ZNF692: variants seen among roughly 807,000 people sequenced by gnomAD.
ZNF692 encodes AICAR responsive element binding protein.
ZNF692 carries 41 observed loss-of-function variants against 49.0 expected under a neutral mutation model. The observed-to-expected ratio is 0.84, with a 90% CI of 0.65 to 1.08. The LOEUF (loss-of-function observed/expected upper bound fraction) is 1.08. Among genes scored for constraint, ZNF692 ranks in the 50% least tolerant of loss-of-function variants. The pLI, the probability that ZNF692 is intolerant of heterozygous loss-of-function variation, is 0.00. For missense variants in ZNF692, 662 were observed against 662.2 expected (o/e 1.00, Z 0.00); for synonymous variants, 288 against 251.5 (o/e 1.15, Z -1.37).
chr1:248,858,293 G>C lies in ZNF692; in HGVS notation c.17C>G (p.Ala6Gly). 6.4e-7 allele frequency: 1 copy of C among 1,568,916 alleles called. No homozygotes were observed. The highest frequency in any genetic ancestry group is 8.7e-7 in the Non-Finnish European group (1 of 1,153,302). Residue 6 changes from alanine to glycine, a missense_variant, in exon 2 of 12, where the codon GCG becomes GGG. Transcript: ENST00000306601. This position sits in a 1 kb window ranked among gnomAD's most constrained non-coding sequence, Gnocchi z 4.3. ...CCGCCGCCTGCAGGACACGTCCACCGCCGGGGAGGAAGCCATGTGCACCAG... is the reference window on the plus strand; with the variant it reads ...CCGCCGCCTGCAGGACACGTCCACCCCCGGGGAGGAAGCCATGTGCACCAG... MASSPAVDVSCRRREK... is the reference protein window; with the variant it reads MASSPGVDVSCRRREK...
chr1:248,855,454 CT>C lies in ZNF692; in HGVS notation c.963del (p.Ala322LeufsTer6), dbSNP rs759152198. The C allele has an allele frequency of 6.8e-6, 11 of 1,614,088 alleles. No homozygotes were observed. The highest frequency in any genetic ancestry group is 2.7e-5 in the African/African-American group (2 of 74,926). On this transcript the variant is annotated frameshift_variant, in exon 9 of 12. Coordinates refer to ENST00000306601, the MANE Select transcript of ZNF692 (RefSeq NM_017865.4). LOFTEE classifies it high-confidence loss of function. ...CAAGGCATCAGCTCTCTTTTGGCAG[CT>C]TTCCTGAGGAGAAGAATGGAAAGGA... The part of the protein sequence containing the change: ...TAQIGPKRIR[K>X]AAKRELMPCD...
intron 10 of ZNF692, among the ~76,000 whole-genome samples, chr1:248,851,759 A>T (rs1458307681): frequency 2.6e-5 from 4 of 152,148 alleles, no homozygotes; most frequent in Non-Finnish European, 1.5e-5. Flanking sequence ...CCACTTCAGA[A>T]ATTGCTATTT....
At position 248,853,991 on chromosome 1, in the gene ZNF692, C is replaced by A; in HGVS notation, c.1099G>T (p.Gly367Trp). 1 of 1,614,210 alleles carries A rather than the reference C, an allele frequency of 6.2e-7. No homozygotes were observed. The highest frequency in any genetic ancestry group is 8.5e-7 in the Non-Finnish European group (1 of 1,180,038). Reference sequence around the variant, plus strand: ...TGTTTCTTAAAGTTGAAAGACTTCCCACAGGCTGGCTCTGGGCAGGAGAAA... The same window carrying A: ...TGTTTCTTAAAGTTGAAAGACTTCCAACAGGCTGGCTCTGGGCAGGAGAAA... ...KSFSCPEPAC[G>W]KSFNFKKHLK... The change falls in exon 10 of 12, where the codon GGG (glycine) becomes TGG (tryptophan). Residue 367 changes from glycine (G) to tryptophan (W), a missense_variant. Coordinates refer to ENST00000306601, the MANE Select transcript of ZNF692 (RefSeq NM_017865.4).
chr1:248,855,245 G>T, intron 9 of ZNF692, 135 bp downstream of exon 9: 2 of 789,158 alleles, frequency 2.5e-6, no homozygotes, highest in Non-Finnish European at 2.1e-6. Context: ...AGGACCAAAA[G>T]ACTTTATACA....
rs774555950 is a variant in ZNF692, at chr1:248,856,289, C to T, written c.658G>A (p.Asp220Asn). The T allele has an allele frequency of 2.5e-6, 4 of 1,580,028 alleles. No homozygotes were observed. The Admixed American group carries it at 5.3e-5, about 21-fold the overall frequency. The change falls in exon 6 of 12, where the codon GAT (aspartate) becomes AAT (asparagine). Residue 220 changes from aspartate to asparagine, a missense_variant and splice_region_variant. Asp to Asn is a conservative substitution (Grantham distance 23, BLOSUM62 1). Transcript: ENST00000306601. ...SLWTYSSSPD[D>N]SEPDAPRLLP... Reference sequence around the variant, plus strand: ...CATTCTCCCTCAACCCCAACTTGCTCATCTGGGGAGGAGCTGTAGGTCCAT... The same window carrying T: ...CATTCTCCCTCAACCCCAACTTGCTTATCTGGGGAGGAGCTGTAGGTCCAT...
At position 248,855,951 on chromosome 1, in the gene ZNF692, A is replaced by C. The variant is rs1199731521; in HGVS notation, c.660-5T>G. The C allele has an allele frequency of 6.2e-7, 1 of 1,613,186 alleles. No homozygotes were observed. Among genetic ancestry groups the C allele is most frequent in the South Asian group, 1.1e-5 (1 of 90,996 alleles). ...CTGGGGGCATCAGGCTCACTACTGA[A>C]AGGAGAACAAAGAGGAAGATGGCAT... is the stretch of plus-strand genomic sequence containing the variant. On this transcript the variant is annotated splice_polypyrimidine_tract_variant and splice_region_variant and intron_variant, in intron 6 of 11. Coordinates refer to ENST00000306601, the MANE Select transcript of ZNF692 (RefSeq NM_017865.4).
At position 248,858,491 on chromosome 1, in the gene ZNF692, G is replaced by C. The variant is rs1275324843; in HGVS notation, c.-12-170C>G. 2 of 1,551,748 alleles carry C rather than the reference G, an allele frequency of 1.3e-6. No homozygotes were observed. Among genetic ancestry groups the C allele is most frequent in the Middle Eastern group, 3.3e-4 (2 of 5,992 alleles). On this transcript the variant is annotated intron_variant, in intron 1 of 11. Transcript: ENST00000306601. The surrounding 1 kb of genome is among the most constrained non-coding windows in gnomAD (Gnocchi z 4.3). ...CAAACCCCGTCCTTCTATGATACAGGGTGTTGAAGCTCAGCGCTACCATGT... is the reference window on the plus strand; with the variant it reads ...CAAACCCCGTCCTTCTATGATACAGCGTGTTGAAGCTCAGCGCTACCATGT...
At chr1:248,851,452 C>T (rs184723110) in intron 10 of ZNF692, among the ~76,000 whole-genome samples, 15 of 152,238 alleles carry the variant, frequency 9.9e-5, no homozygotes, top group Middle Eastern at 6.8e-3. Flanking sequence ...CCCACCAAAC[C>T]TCAGGGTGTA....
At position 248,858,899 on chromosome 1, in the gene ZNF692, A is replaced by AC. The variant is rs1342646014; in HGVS notation, c.-13+18dup. On this transcript the variant is annotated intron_variant, in intron 1 of 11. Coordinates refer to ENST00000306601, the MANE Select transcript of ZNF692 (RefSeq NM_017865.4). This position sits in a 1 kb window ranked among gnomAD's most constrained non-coding sequence, Gnocchi z 4.3. ...CTGCCCAGAGCCCCCGTCGCGACCCACCCCCACCCCGGCCTTACCTGTGCG... is the reference window on the plus strand; with the variant it reads ...CTGCCCAGAGCCCCCGTCGCGACCCACCCCCCACCCCGGCCTTACCTGTGCG... The AC allele has an allele frequency of 3.0e-5, 6 of 200,284 alleles. No individual in the cohort carries two copies. Among genetic ancestry groups the AC allele is most frequent in the Middle Eastern group, 1.4e-3 (1 of 692 alleles). The allele number at this position is 200,284 out of a possible 1,614,324, so 12.4% of individuals were successfully genotyped here. A position where few individuals can be genotyped will look rare whatever the true frequency, so the allele number is the denominator to read the frequency against.
rs747055959 is a variant in ZNF692 at position 248,854,034 on chromosome 1, C to G, written c.1056G>C (p.Gln352His). Reference protein sequence around the residue: ...RQYLNHHKKYQHIHQKSFSCP... With the variant: ...RQYLNHHKKYHHIHQKSFSCP... ...AGGAGAAAGACTTCTGGTGGATGTG[C>G]TGGTACTTTTTGTGGTGCTAGAGAA... The change falls in exon 10 of 12, where the codon CAG becomes CAC. Residue 352 changes from glutamine (Q) to histidine (H), a missense_variant. Coordinates refer to ENST00000306601, the MANE Select transcript of ZNF692 (RefSeq NM_017865.4). The G allele has an allele frequency of 6.2e-7, 1 of 1,614,134 alleles. No homozygotes were observed. Among genetic ancestry groups the G allele is most frequent in the Non-Finnish European group, 8.5e-7 (1 of 1,179,982 alleles).
At chr1:248,855,494 T>C in intron 8 of ZNF692, 36 bp from the exon 9 acceptor site, 1 of 1,614,044 alleles carries the variant, frequency 6.2e-7, no homozygotes, top group Non-Finnish European at 8.5e-7. Flanking sequence ...GCATGACTCC[T>C]GCCTGCCCTT....
Position 248,856,440 on chromosome 1 carries a change from G to T in ZNF692, c.525-18C>A, listed in dbSNP as rs769565275. 4 of 1,614,032 alleles carry T rather than the reference G, an allele frequency of 2.5e-6. No homozygotes were observed. The highest frequency in any genetic ancestry group is 3.4e-6 in the Non-Finnish European group (4 of 1,179,918). ...CCACCCTCCTGCAGGCCCAAAGAAG[G>T]CAAGCCTGAGGTCCTGCTCCCTCAT... On this transcript the variant is annotated intron_variant, in intron 5 of 11. Transcript: ENST00000306601.
intron 10 of ZNF692, among the ~76,000 whole-genome samples, chr1:248,851,944 C>T (rs978476716): frequency 6.6e-6 from 1 of 152,200 alleles, no homozygotes; most frequent in South Asian, 2.1e-4. Flanking sequence ...AGCTACATTT[C>T]CACAGCCATC....
In ZNF692 at chr1:248,850,351, G is replaced by A. The variant is rs1196646227; in HGVS notation, c.1419C>T (p.Ala473=). ...VAAHRSKSHP[A]LLLAPQESPS... Reference sequence around the variant, plus strand: ...GTGACTCTTGAGGGGCTAGAAGCAGGGCTGGGTGACTTTTGCTACGGTGGG... The same window carrying A: ...GTGACTCTTGAGGGGCTAGAAGCAGAGCTGGGTGACTTTTGCTACGGTGGG... Residue 473 remains alanine (A), a synonymous_variant, in exon 12 of 12, where the codon GCC becomes GCT. Transcript: ENST00000306601. 1.2e-6 allele frequency: 2 copies of A among 1,614,076 alleles called. No individual in the cohort carries two copies. The highest frequency in any genetic ancestry group is 1.7e-6 in the Non-Finnish European group (2 of 1,180,028).
intron 9 of ZNF692, among the ~76,000 whole-genome samples, chr1:248,854,711 T>A (rs934700586): frequency 5.3e-5 from 8 of 152,164 alleles, no homozygotes; most frequent in Non-Finnish European, 1.0e-4. Context: ...TAGAATCCCA[T>A]TTTTCCACAG....
intron 4 of ZNF692, 32 bp downstream of exon 4, chr1:248,857,202 T>C: frequency 6.4e-7 from 1 of 1,574,422 alleles, no homozygotes. Flanking sequence ...TTTCCTCCCT[T>C]TTCTCCATAA....
Position 248,850,491 on chromosome 1 carries a change from G to A in ZNF692, c.1279C>T (p.Arg427Cys), listed in dbSNP as rs747502187. 28 of 1,610,146 alleles carry A rather than the reference G, an allele frequency of 1.7e-5. No individual in the cohort carries two copies. Among genetic ancestry groups the A allele is most frequent in the African/African-American group, 1.7e-4 (13 of 74,896 alleles). Residue 427 changes from arginine to cysteine, a missense_variant, in exon 12 of 12, where the codon CGC (arginine) becomes TGC (cysteine). Transcript: ENST00000306601. The stretch of plus-strand genomic sequence containing the variant: ...TGCCAGTTCAGGGAAGCCTTCTGGC[G>A]GCAGGTAAACCCGCATATCTCACAC... ...LQCEICGFTC[R>C]QKASLNWHQR...
rs199830027 is a variant in ZNF692, at chr1:248,857,529, C to G, written c.212-32G>C. On this transcript the variant is annotated intron_variant, in intron 3 of 11. Transcript: ENST00000306601. The stretch of plus-strand genomic sequence containing the variant: ...GGGTGGGGGAAGCAGTCAGGCTGAA[C>G]TGGGAAGTCTCCTCCTCTTACCCTG... 184 of 1,592,034 alleles carry G rather than the reference C, an allele frequency of 1.2e-4. No homozygotes were observed. The African/African-American group carries it at 1.3e-3, about 11-fold the overall frequency.
Position 248,857,936 on chromosome 1 carries a change from G to A in ZNF692, c.180-77C>T, listed in dbSNP as rs759010822. ...GCCCTGGGCACTCACACATGTAAGG[G>A]GCCAGCCCTAAGGGCCGCTATTCGC... On this transcript the variant is annotated intron_variant, in intron 2 of 11. Transcript: ENST00000306601. 4.4e-6 allele frequency: 7 copies of A among 1,587,922 alleles called. No homozygotes were observed. In the Admixed American group the frequency reaches 1.3e-4, roughly 28 times the overall value.
Sources: allele counts gnomAD v4.1 joint callset (sites outside exome capture counted in the v4.1 genomes callset), GRCh38; gene constraint gnomAD v4.1.1; non-coding constraint Gnocchi (gnomAD v3.1); transcripts MANE v1.5; gene names NCBI Gene and HGNC (gene_info 2026-07-23, HGNC 2026-07-21).